Variants in GRIN2B observed in about 807,000 individuals in gnomAD.
GRIN2B encodes the protein glutamate receptor ionotropic, NMDA 2B.
Under a neutral mutation model 114.5 loss-of-function variants are expected in GRIN2B, and 5 were observed. That is an observed-to-expected ratio of 0.04 (90% confidence interval 0.02 to 0.09). The LOEUF (loss-of-function observed/expected upper bound fraction) is 0.09, where lower values mean the gene tolerates loss of function less well. GRIN2B is among the 10% of genes least tolerant of loss of function. The probability of loss-of-function intolerance (pLI) is 1.00; values close to 1 mark genes in which losing one functional copy is unlikely to be tolerated. For synonymous variants in GRIN2B, 787 were observed against 745.1 expected (o/e 1.06, Z -0.92); for missense variants, 1,108 against 1,943.5 (o/e 0.57, Z 8.08).
At chr12:13,807,539 G>A (rs1379876400) in intron 3 of GRIN2B, among the ~76,000 whole-genome samples, 1 of 151,980 alleles carries the variant, frequency 6.6e-6, no homozygotes, top group Admixed American at 6.6e-5. Context: ...TCACCACAGC[G>A]AAATTTGCCT....
At chr12:13,872,220 G>T (rs572731921) in intron 2 of GRIN2B, among the ~76,000 whole-genome samples, 12 of 151,982 alleles carry the variant, frequency 7.9e-5, no homozygotes, top group Admixed American at 4.6e-4. Flanking sequence ...AAAATTAGTG[G>T]CCAGGCACGG....
At chr12:13,689,882 C>T (rs1371200589) in intron 4 of GRIN2B, among the ~76,000 whole-genome samples, 2 of 152,148 alleles carry the variant, frequency 1.3e-5, no homozygotes, top group South Asian at 4.1e-4. Flanking sequence ...CATAATCCAA[C>T]TCTTGCTCAT....
intron 3 of GRIN2B, among the ~76,000 whole-genome samples, chr12:13,827,842 C>T (rs11055631): frequency 0.38 from 57,642 of 151,890 alleles, 11,057 homozygotes; most frequent in South Asian, 0.52. Flanking sequence ...CCACCACTCC[C>T]GGCTAATTTT....
chr12:13,674,013 C>A (rs568631992), intron 5 of GRIN2B, among the ~76,000 whole-genome samples: 2 of 152,148 alleles, frequency 1.3e-5, no homozygotes, highest in South Asian at 4.2e-4. Context: ...GCCCAGGGAA[C>A]AACCATTTCT....
At chr12:13,863,481 A>G (rs1241426924) in intron 3 of GRIN2B, among the ~76,000 whole-genome samples, 1 of 152,214 alleles carries the variant, frequency 6.6e-6, no homozygotes, top group African/African-American at 2.4e-5. Flanking sequence ...CCTGGCTTCC[A>G]CTTAAGAGCT....
At chr12:13,803,857 G>A (rs527375455) in intron 3 of GRIN2B, among the ~76,000 whole-genome samples, 2 of 152,298 alleles carry the variant, frequency 1.3e-5, no homozygotes, top group East Asian at 1.9e-4. Flanking sequence ...GATGTAGCGA[G>A]TCAACCCAGT....
intron 4 of GRIN2B, among the ~76,000 whole-genome samples, chr12:13,739,648 G>C (rs939557496): frequency 6.6e-6 from 1 of 150,950 alleles, no homozygotes; most frequent in Non-Finnish European, 1.5e-5. Context: ...TGATGAGAAA[G>C]ATTCTGAAAA....
intron 4 of GRIN2B, among the ~76,000 whole-genome samples, chr12:13,709,861 T>C (rs1950397828): frequency 6.6e-6 from 1 of 152,020 alleles, no homozygotes; most frequent in South Asian, 2.1e-4. Context: ...TGAAAAATGG[T>C]TGGCCATATC....
Position 13,545,529 on chromosome 12 carries a change from C to T in GRIN2B, c.*17254G>A, listed in dbSNP as rs1948331829. ...CCAAATATCCCCAAAATAAGAGCTC[C>T]AGTAAACAAAACAATGCAAGCAAGG... is the stretch of plus-strand genomic sequence containing the variant. On this transcript the variant is annotated 3_prime_UTR_variant, in exon 14 of 14. Coordinates refer to ENST00000609686, the MANE Select transcript of GRIN2B (RefSeq NM_000834.5). 1 of 152,086 alleles carries T rather than the reference C, an allele frequency of 6.6e-6. No homozygotes were observed. The highest frequency in any genetic ancestry group is 1.5e-5 in the Non-Finnish European group (1 of 68,026). 9.4% of individuals were successfully genotyped at this position (152,086 alleles called of 1,614,324 possible). A position where few individuals can be genotyped will look rare whatever the true frequency, so the allele number is the denominator to read the frequency against.
chr12:13,766,665 T>C (rs1863795871), intron 3 of GRIN2B, among the ~76,000 whole-genome samples: 2 of 152,248 alleles, frequency 1.3e-5, no homozygotes, highest in African/African-American at 4.8e-5. Flanking sequence ...TAGATTAATA[T>C]GACAGGACTT....
chr12:13,702,491 A>C (rs539111068), intron 4 of GRIN2B, among the ~76,000 whole-genome samples: 5 of 152,302 alleles, frequency 3.3e-5, no homozygotes, highest in African/African-American at 9.6e-5. Flanking sequence ...AAATGAAAAG[A>C]TCTAGGATTG....
At chr12:13,752,227 C>A (rs975385760) in intron 4 of GRIN2B, among the ~76,000 whole-genome samples, 5 of 152,218 alleles carry the variant, frequency 3.3e-5, no homozygotes, top group South Asian at 4.2e-4. Context: ...CCTGAGTATG[C>A]ATTAAGTTTT....
At chr12:13,829,322 A>AT (rs1308956713) in intron 3 of GRIN2B, among the ~76,000 whole-genome samples, 1 of 152,204 alleles carries the variant, frequency 6.6e-6, no homozygotes, top group Non-Finnish European at 1.5e-5. Flanking sequence ...AGATATGTCT[A>AT]TTTACTCCGG....
intron 10 of GRIN2B, among the ~76,000 whole-genome samples, chr12:13,607,334 A>G (rs1442773954): frequency 1.8e-5 from 1 of 54,260 alleles, no homozygotes; most frequent in Non-Finnish European, 3.3e-5. Flanking sequence ...TATAATATAT[A>G]TTATATATAA....
At chr12:13,884,685 G>A (rs1004060286) in intron 2 of GRIN2B, among the ~76,000 whole-genome samples, 5 of 151,932 alleles carry the variant, frequency 3.3e-5, no homozygotes, top group Admixed American at 3.3e-4. Context: ...TTATCTTAGG[G>A]GTAGCATATT....
At chr12:13,728,603 C>A (rs1289231398) in intron 4 of GRIN2B, among the ~76,000 whole-genome samples, 1 of 151,936 alleles carries the variant, frequency 6.6e-6, no homozygotes, top group Non-Finnish European at 1.5e-5. Flanking sequence ...CAATTCACAC[C>A]CTCTTTGTGT....
chr12:13,813,365 C>T lies in GRIN2B; in HGVS notation c.411+52433G>A, dbSNP rs190118153. 5.3e-5 allele frequency among the ~76,000 whole-genome samples: 8 copies of T among 152,224 alleles called. No homozygotes were observed. The East Asian group carries it at 9.6e-4, about 18-fold the overall frequency. The stretch of plus-strand genomic sequence containing the variant: ...GGCAGAATAAGAGTGAGGCAAAAAT[C>T]GGAACCAGATGGCAAAGGAAGCATG... On this transcript the variant is annotated intron_variant, in intron 3 of 13. Transcript: ENST00000609686.
chr12:13,563,149 G>T lies in GRIN2B; in HGVS notation c.4089C>A (p.His1363Gln). The T allele has an allele frequency of 6.2e-7, 1 of 1,614,226 alleles. No homozygotes were observed. The highest frequency in any genetic ancestry group is 8.5e-7 in the Non-Finnish European group (1 of 1,180,056). Residue 1363 changes from histidine (H) to glutamine (Q), a missense_variant, in exon 14 of 14, where the codon CAC becomes CAA. By Grantham distance (24) the His-to-Gln change is conservative. Transcript: ENST00000609686. ...TGTACCCGCCGCCGGGGTTGTTGTG[G>T]TGGTGATGTCCGGCAGTGGGCACTG... ...KSSVPTAGHH[H>Q]HNNPGGGYML... is the part of the protein sequence containing the mutation.
Position 13,615,568 on chromosome 12 carries a change from G to T in GRIN2B, c.1425C>A (p.Thr475=). ...LKKISKSVKF[T]YDLYLVTNGK... ...CATTGGTAACCAGGTAAAGGTCATA[G>T]GTGAACTTCACAGATTTAGAAATTT... is the stretch of plus-strand genomic sequence containing the variant. Residue 475 remains threonine (T), a synonymous_variant, in exon 7 of 14, where the codon ACC becomes ACA. Transcript: ENST00000609686. This position sits in a 1 kb window ranked among gnomAD's most constrained non-coding sequence, Gnocchi z 5.8. The T allele has an allele frequency of 4.3e-6, 7 of 1,611,610 alleles. No homozygotes were observed. The highest frequency in any genetic ancestry group is 5.9e-6 in the Non-Finnish European group (7 of 1,177,716).
Sources: gnomAD v4.1 joint callset for allele counts (sites outside exome capture counted in the v4.1 genomes callset) on GRCh38, gnomAD v4.1.1 for gene constraint, Gnocchi (gnomAD v3.1) non-coding constraint, MANE v1.5 for transcripts, NCBI Gene and HGNC (gene_info 2026-07-23, HGNC 2026-07-21) for gene names.